The following KAZN variants were observed in gnomAD, a reference collection of about 807,000 sequenced individuals.
KAZN encodes the protein kazrin.
A neutral mutation model predicts 87.4 loss-of-function variants in KAZN; 40 were observed. The ratio of observed to expected loss-of-function variants is 0.46; its 90% confidence interval spans 0.36 to 0.60. The LOEUF is 0.60. KAZN is among the 20% of genes least tolerant of loss of function. The pLI, the probability that KAZN is intolerant of heterozygous loss-of-function variation, is 0.00. For synonymous variants in KAZN, 466 were observed against 458.3 expected (o/e 1.02, Z -0.22); for missense variants, 898 against 1,073.9 (o/e 0.84, Z 2.29).
intron 1 of KAZN, among the ~76,000 whole-genome samples, chr1:14,148,313 C>G (rs1229514244): frequency 6.6e-6 from 1 of 152,186 alleles, no homozygotes; most frequent in Non-Finnish European, 1.5e-5. Context: ...TCTTCTTTCT[C>G]TGTGACTTTT....
chr1:14,634,941 G>A (rs988931257), intron 1 of KAZN, among the ~76,000 whole-genome samples: 1 of 152,174 alleles, frequency 6.6e-6, no homozygotes, highest in African/African-American at 2.4e-5. Flanking sequence ...TGACTGCACA[G>A]GGTAGAGCTC....
chr1:14,710,083 T>C lies in KAZN; in HGVS notation c.226+110860T>C, dbSNP rs113490130. 8.9e-3 allele frequency among the ~76,000 whole-genome samples: 1,350 copies of C among 152,312 alleles called. 18 individuals are homozygous for C. Among genetic ancestry groups the C allele is most frequent in the African/African-American group, 0.029 (1,217 of 41,562 alleles). On this transcript the variant is annotated intron_variant, in intron 1 of 14. Transcript: ENST00000376030. The stretch of plus-strand genomic sequence containing the variant: ...GCTTCAAAGAGAACGTGCTGGACAC[T>C]GCCTCTGCCCTGGTGGAATTCATAT...
chr1:14,898,208 T>C (rs1312727393), intron 1 of KAZN, among the ~76,000 whole-genome samples: 2 of 152,170 alleles, frequency 1.3e-5, no homozygotes, highest in Non-Finnish European at 2.9e-5. Flanking sequence ...CATTATGCCA[T>C]TCTTGCTACA....
intron 4 of KAZN, among the ~76,000 whole-genome samples, chr1:15,055,331 G>A (rs1410720792): frequency 6.6e-6 from 1 of 152,148 alleles, no homozygotes; most frequent in African/African-American, 2.4e-5. Context: ...ACAAAAATTA[G>A]CCAGGCATGG....
intron 1 of KAZN, among the ~76,000 whole-genome samples, chr1:14,727,705 A>G (rs1387060833): frequency 7.3e-5 from 11 of 151,338 alleles, no homozygotes; most frequent in Admixed American, 7.2e-4. Context: ...ACCTGAGGTA[A>G]TCCGCCCACC....
rs945773939 is a variant in KAZN at position 14,742,999 on chromosome 1, CG to C, written c.226+143777del. On this transcript the variant is annotated intron_variant, in intron 1 of 14. Transcript: ENST00000376030. ...CAGTGAATAGACCCATAAGATGTGC[CG>C]CCTTTGAGATCTTTGCTTTGGTGGA... is the stretch of plus-strand genomic sequence containing the variant. 3.0e-4 allele frequency among the ~76,000 whole-genome samples: 46 copies of C among 152,282 alleles called. 1 individual carries two copies. The highest frequency in any genetic ancestry group is 1.1e-3 in the African/African-American group (46 of 41,554).
At chr1:14,889,355 C>G (rs1415493326) in intron 1 of KAZN, among the ~76,000 whole-genome samples, 1 of 152,188 alleles carries the variant, frequency 6.6e-6, no homozygotes, top group Non-Finnish European at 1.5e-5. Context: ...TAAATATATA[C>G]TAATATAGTC....
chr1:14,734,927 G>T (rs548952945), intron 1 of KAZN, among the ~76,000 whole-genome samples: 1 of 152,172 alleles, frequency 6.6e-6, no homozygotes, highest in African/African-American at 2.4e-5. Context: ...CCATAGTCCC[G>T]TTGGGCTTTC....
intron 2 of KAZN, among the ~76,000 whole-genome samples, chr1:14,418,892 G>T (rs1011146986): frequency 6.6e-6 from 1 of 152,194 alleles, no homozygotes; most frequent in Admixed American, 6.5e-5. Flanking sequence ...TAAGGCTTCT[G>T]CATCTGCAGA....
chr1:14,817,812 T>C (rs1646617476), intron 1 of KAZN, among the ~76,000 whole-genome samples: 1 of 151,644 alleles, frequency 6.6e-6, no homozygotes, highest in African/African-American at 2.4e-5. Flanking sequence ...ATTAAAACTG[T>C]GTATATAGGA....
intron 2 of KAZN, among the ~76,000 whole-genome samples, chr1:14,333,893 C>T (rs568502706): frequency 9.7e-4 from 147 of 152,228 alleles, no homozygotes; most frequent in Non-Finnish European, 1.8e-3. Flanking sequence ...CCCCTGGACA[C>T]CTCCTGGAGC....
intron 2 of KAZN, among the ~76,000 whole-genome samples, chr1:14,472,265 C>T (rs1011657328): frequency 6.6e-6 from 1 of 152,164 alleles, no homozygotes; most frequent in Non-Finnish European, 1.5e-5. Context: ...AACGTTCAGA[C>T]CATAGCTAAG....
At chr1:14,772,803 A>G (rs2100599377) in intron 1 of KAZN, among the ~76,000 whole-genome samples, 1 of 152,274 alleles carries the variant, frequency 6.6e-6, no homozygotes, top group East Asian at 1.9e-4. Context: ...ACCAAGGCCT[A>G]GCTCTGAAGG....
intron 2 of KAZN, among the ~76,000 whole-genome samples, chr1:14,309,046 C>A (rs1655114219): frequency 6.6e-6 from 1 of 152,166 alleles, no homozygotes; most frequent in South Asian, 2.1e-4. Context: ...GCTAATTAAG[C>A]CTCCTCATTT....
chr1:15,073,393 T>C (rs1484552541), intron 8 of KAZN, among the ~76,000 whole-genome samples: 1 of 152,056 alleles, frequency 6.6e-6, no homozygotes, highest in African/African-American at 2.4e-5. Flanking sequence ...AGACTGAGGG[T>C]GGCAGCGTAG....
Position 14,444,533 on chromosome 1 carries a change from A to ATG in KAZN, c.250-154450_250-154449insTG, listed in dbSNP as rs1666871362. Among the ~76,000 whole-genome samples the ATG allele has an allele frequency of 1.5e-4, 23 of 152,170 alleles. No individual in the cohort carries two copies. The South Asian group carries it at 4.6e-3, about 30-fold the overall frequency. ...CTCCATGTTGGTCAGGCTGGTCTCA[A>ATG]AACTCCTAACCTCAGGTGATCTGCC... is the stretch of plus-strand genomic sequence containing the variant. On this transcript the variant is annotated intron_variant, in intron 2 of 16. Transcript: ENST00000636203.
chr1:14,996,886 T>A lies in KAZN; in HGVS notation c.418+36011T>A, dbSNP rs191704437. Reference sequence around the variant, plus strand: ...CCCCATGACCTCGCACCCACCTCCCTGCCTGACCTCACCGCCCCAGGAAGC... The same window carrying A: ...CCCCATGACCTCGCACCCACCTCCCAGCCTGACCTCACCGCCCCAGGAAGC... On this transcript the variant is annotated intron_variant, in intron 2 of 14. Transcript: ENST00000376030. The surrounding 1 kb of genome is among the most constrained non-coding windows in gnomAD (Gnocchi z 5.9). Among the ~76,000 whole-genome samples the A allele has an allele frequency of 1.3e-5, 2 of 152,316 alleles. No individual in the cohort carries two copies. Among genetic ancestry groups the A allele is most frequent in the Non-Finnish European group, 2.9e-5 (2 of 68,016 alleles).
At chr1:14,620,719 C>T (rs1678630556) in intron 1 of KAZN, among the ~76,000 whole-genome samples, 1 of 152,206 alleles carries the variant, frequency 6.6e-6, no homozygotes, top group African/African-American at 2.4e-5. Flanking sequence ...CCGAGCCCTG[C>T]CACTACTATA....
Position 15,034,845 on chromosome 1 carries a change from A to G in KAZN, c.515A>G (p.Gln172Arg). 1 of 1,614,006 alleles carries G rather than the reference A, an allele frequency of 6.2e-7. No individual in the cohort carries two copies. Among genetic ancestry groups the G allele is most frequent in the Non-Finnish European group, 8.5e-7 (1 of 1,179,966 alleles). ...LYATLESREE[Q>R]LRDFIRNYEQ... ...GCCACACTGGAGAGCCGCGAGGAGCAGCTCCGAGACTTCATCCGCAACTAT... is the reference window on the plus strand; with the variant it reads ...GCCACACTGGAGAGCCGCGAGGAGCGGCTCCGAGACTTCATCCGCAACTAT... The change falls in exon 3 of 15, where the codon CAG (glutamine) becomes CGG (arginine). Residue 172 changes from glutamine to arginine, a missense_variant. Around this residue, in one of 3 missense-constraint regions of KAZN, gnomAD observed 250 missense variants for 263.0 expected, o/e 0.95. Coordinates refer to ENST00000376030, the MANE Select transcript of KAZN (RefSeq NM_201628.3).
Sources: allele counts gnomAD v4.1 joint callset (sites outside exome capture counted in the v4.1 genomes callset), GRCh38; gene constraint gnomAD v4.1.1; regional missense constraint gnomAD v4.1.1; non-coding constraint Gnocchi (gnomAD v3.1); transcripts MANE v1.5; gene names NCBI Gene and HGNC (gene_info 2026-07-23, HGNC 2026-07-21).